COL26A1: variants seen among roughly 807,000 people sequenced by gnomAD.
COL26A1 encodes collagen type XXVI alpha 1 chain, also known as collagen alpha-1(XXVI) chain.
Under a neutral mutation model 59.3 loss-of-function variants are expected in COL26A1, and 41 were observed. The ratio of observed to expected loss-of-function variants is 0.69; its 90% CI spans 0.54 to 0.90. COL26A1 has a LOEUF of 0.90. COL26A1 is among the 40% of genes least tolerant of loss of function. The probability of loss-of-function intolerance (pLI) is 0.00; values close to 1 mark genes in which losing one functional copy is unlikely to be tolerated. For missense variants in COL26A1, 612 were observed against 602.3 expected (o/e 1.02, Z -0.17); for synonymous variants, 266 against 256.0 (o/e 1.04, Z -0.37).
chr7:101,518,524 C>T (rs1227503909), intron 3 of COL26A1, among the ~76,000 whole-genome samples: 3 of 152,250 alleles, frequency 2.0e-5, no homozygotes, highest in African/African-American at 7.2e-5. Context: ...GTCCGTCTCC[C>T]CCTGCACTTG....
At chr7:101,407,137 C>T (rs1237456636) in intron 1 of COL26A1, among the ~76,000 whole-genome samples, 2 of 152,026 alleles carry the variant, frequency 1.3e-5, no homozygotes, top group Non-Finnish European at 2.9e-5. Flanking sequence ...GCCCATTGCA[C>T]TTGTGGGCAG....
At chr7:101,367,658 C>G (rs1463486046) in intron 1 of COL26A1, among the ~76,000 whole-genome samples, 1 of 137,436 alleles carries the variant, frequency 7.3e-6, no homozygotes, top group Admixed American at 7.3e-5. Context: ...GAGTGAGACT[C>G]TGTCTCAAAA....
At chr7:101,447,642 T>C in intron 2 of COL26A1, 42 bp from the exon 3 acceptor site, 1 of 1,292,048 alleles carries the variant, frequency 7.7e-7, no homozygotes. Flanking sequence ...TGGAGGTGGG[T>C]GGGTGGGAGC....
rs1491323579 is a variant in COL26A1 at position 101,489,671 on chromosome 7, TCC to T, written c.385+41885_385+41886del. On this transcript the variant is annotated intron_variant, in intron 3 of 12. Coordinates refer to ENST00000313669, the MANE Select transcript of COL26A1 (RefSeq NM_001278563.3). ...TTTCTTTCTTTCTTTCTTCCTTCCT[TCC>T]TTCCTTCCTTTCTTTCTTTCTTTCT... 3.3e-4 allele frequency among the ~76,000 whole-genome samples: 17 copies of T among 51,372 alleles called. 3 individuals carry two copies. The highest frequency in any genetic ancestry group is 3.2e-3 in the African/African-American group (16 of 5,006). The allele number at this position is 51,372 out of a possible 152,430, so 33.7% of individuals were successfully genotyped here.
At chr7:101,369,397 A>C (rs893421646) in intron 1 of COL26A1, among the ~76,000 whole-genome samples, 1 of 149,604 alleles carries the variant, frequency 6.7e-6, no homozygotes, top group Admixed American at 6.7e-5. Context: ...ACAGAGCAAG[A>C]CTCAGTCTTA....
At chr7:101,454,553 C>T (rs1366611794) in intron 3 of COL26A1, among the ~76,000 whole-genome samples, 1 of 152,076 alleles carries the variant, frequency 6.6e-6, no homozygotes, top group Admixed American at 6.6e-5. Flanking sequence ...GCCACCGCAC[C>T]CGGCCAAGTG....
intron 3 of COL26A1, among the ~76,000 whole-genome samples, chr7:101,523,138 C>T (rs942360427): frequency 2.7e-5 from 4 of 150,842 alleles, no homozygotes; most frequent in Admixed American, 6.6e-5. Flanking sequence ...GGCACGATCT[C>T]GGCTCACCAC....
chr7:101,542,613 T>A (rs1439876001), intron 5 of COL26A1, among the ~76,000 whole-genome samples: 1 of 152,162 alleles, frequency 6.6e-6, no homozygotes, highest in African/African-American at 2.4e-5. Context: ...ATTCTGATGC[T>A]GGGTTGGGGA....
chr7:101,517,278 G>T (rs1795046849), intron 3 of COL26A1, among the ~76,000 whole-genome samples: 1 of 152,178 alleles, frequency 6.6e-6, no homozygotes, highest in Non-Finnish European at 1.5e-5. Flanking sequence ...TGGGTGTCTA[G>T]GAACCTGGGC....
intron 3 of COL26A1, among the ~76,000 whole-genome samples, chr7:101,466,797 T>G (rs79953551): frequency 0.14 from 13,309 of 94,884 alleles, 700 homozygotes; most frequent in African/African-American, 0.25. Context: ...CATGTTCTGG[T>G]GTGTGTGTGT....
chr7:101,387,630 G>GCTCTCT (rs374185692), intron 1 of COL26A1, among the ~76,000 whole-genome samples: 8 of 132,424 alleles, frequency 6.0e-5, no homozygotes, highest in African/African-American at 2.3e-4. Flanking sequence ...TCTCTCTCTC[G>GCTCTCT]CTCTCTCTCT....
chr7:101,504,246 G>A (rs972607434), intron 3 of COL26A1, among the ~76,000 whole-genome samples: 21 of 152,214 alleles, frequency 1.4e-4, no homozygotes, highest in Admixed American at 1.0e-3. Context: ...AATTACAGGC[G>A]CGTGCCACCA....
chr7:101,414,696 C>T (rs938930468), intron 1 of COL26A1, among the ~76,000 whole-genome samples: 1 of 152,222 alleles, frequency 6.6e-6, no homozygotes. Flanking sequence ...CTCGGCCTCC[C>T]AAAGTGCTGG....
At chr7:101,499,896 A>AAAG (rs35819045) in intron 3 of COL26A1, among the ~76,000 whole-genome samples, 16,868 of 141,048 alleles carry the variant, frequency 0.12, 1,264 homozygotes, top group Non-Finnish European at 0.13. Flanking sequence ...AAAAAAAAAA[A>AAAG]CACCTTTGTT....
chr7:101,439,624 C>A (rs1285583630), intron 2 of COL26A1, among the ~76,000 whole-genome samples: 10 of 146,520 alleles, frequency 6.8e-5, no homozygotes, highest in Non-Finnish European at 1.2e-4. Context: ...GGCTGGAAAA[C>A]AAAGTCACCT....
intron 3 of COL26A1, among the ~76,000 whole-genome samples, chr7:101,496,884 A>G (rs1040688454): frequency 2.9e-4 from 25 of 87,284 alleles, no homozygotes; most frequent in African/African-American, 1.6e-3. Context: ...TGTCTCAAAG[A>G]AAAAAAAAAA....
chr7:101,528,703 A>G (rs1367805468), intron 3 of COL26A1, among the ~76,000 whole-genome samples: 1 of 151,904 alleles, frequency 6.6e-6, no homozygotes, highest in Non-Finnish European at 1.5e-5. Context: ...ACGCACCACC[A>G]TGCCTGGCTA....
At chr7:101,431,523 T>G (rs1200773510) in intron 2 of COL26A1, among the ~76,000 whole-genome samples, 1 of 152,128 alleles carries the variant, frequency 6.6e-6, no homozygotes, top group Non-Finnish European at 1.5e-5. Flanking sequence ...CCTCCCAAAG[T>G]GTTGGGATTA....
rs11769422 is a variant in COL26A1 at position 101,557,593 on chromosome 7, C to G, written c.*63C>G. ...ACCCAGCCCCAGAGGCCTGAGCCGCCGCTGTTTCCTAAAGATGCCCCCAGG... is the reference window on the plus strand; with the variant it reads ...ACCCAGCCCCAGAGGCCTGAGCCGCGGCTGTTTCCTAAAGATGCCCCCAGG... On this transcript the variant is annotated 3_prime_UTR_variant, in exon 13 of 13. Transcript: ENST00000313669. The G allele has an allele frequency of 2.1e-5, 31 of 1,497,636 alleles. No individual in the cohort carries two copies. The highest frequency in any genetic ancestry group is 8.3e-5 in the African/African-American group (6 of 72,102). The allele number at this position is 1,497,636 out of a possible 1,614,324, so 92.8% of individuals were successfully genotyped here.
Sources: allele counts gnomAD v4.1 joint callset (sites outside exome capture counted in the v4.1 genomes callset), GRCh38; gene constraint gnomAD v4.1.1; transcripts MANE v1.5; gene names NCBI Gene and HGNC (gene_info 2026-07-23, HGNC 2026-07-21).